Variants in BANK1 observed in about 807,000 individuals in gnomAD.
The protein encoded by BANK1 is B cell scaffold protein with ankyrin repeats 1.
Under a neutral mutation model 94.5 loss-of-function variants are expected in BANK1, and 95 were observed. That is an observed-to-expected ratio of 1.00 (90% CI 0.85 to 1.19). The LOEUF is 1.19. Ranked by LOEUF, BANK1 falls within the 50% of genes most tolerant of loss-of-function variation. The probability of loss-of-function intolerance (pLI) is 0.00; values close to 1 mark genes in which losing one functional copy is unlikely to be tolerated. For synonymous variants in BANK1, 334 were observed against 308.4 expected, an observed-to-expected ratio of 1.08 and a Z score of -0.87; for missense variants, 987 against 932.2, an observed-to-expected ratio of 1.06 and a Z score of -0.77.
At chr4:101,904,290 T>C (rs990366378) in intron 6 of BANK1, among the ~76,000 whole-genome samples, 1 of 152,242 alleles carries the variant, frequency 6.6e-6, no homozygotes, top group Non-Finnish European at 1.5e-5. Context: ...TTGATAGCTC[T>C]TAAGTCAGTT....
chr4:101,877,410 A>T (rs1476165825), intron 5 of BANK1, among the ~76,000 whole-genome samples: 2 of 152,204 alleles, frequency 1.3e-5, no homozygotes, highest in African/African-American at 4.8e-5. Context: ...GTGGTGTGTA[A>T]ACTACTCTTA....
At chr4:102,002,446 G>A (rs2148937140) in intron 7 of BANK1, among the ~76,000 whole-genome samples, 1 of 151,872 alleles carries the variant, frequency 6.6e-6, no homozygotes, top group South Asian at 2.1e-4. Context: ...ACATAGTGCA[G>A]TGCCTACTAC....
At chr4:101,849,906 A>G (rs986580766) in intron 2 of BANK1, among the ~76,000 whole-genome samples, 2 of 152,110 alleles carry the variant, frequency 1.3e-5, no homozygotes, top group African/African-American at 4.8e-5. Context: ...TTAGTTTTCT[A>G]TGTCTGTTTG....
chr4:102,061,165 A>G (rs1372892982), intron 12 of BANK1, among the ~76,000 whole-genome samples: 2 of 152,240 alleles, frequency 1.3e-5, no homozygotes, highest in East Asian at 3.8e-4. Flanking sequence ...AATAATTGAT[A>G]ATAGCTTAAT....
intron 7 of BANK1, among the ~76,000 whole-genome samples, chr4:101,973,099 A>C (rs981114115): frequency 3.3e-5 from 5 of 151,984 alleles, no homozygotes; most frequent in African/African-American, 9.7e-5. Flanking sequence ...AATATAGTTA[A>C]TAATAGAGTA....
intron 7 of BANK1, among the ~76,000 whole-genome samples, chr4:101,925,697 T>C (rs1723131688): frequency 6.6e-6 from 1 of 151,728 alleles, no homozygotes; most frequent in Non-Finnish European, 1.5e-5. Context: ...GGCTAAATCG[T>C]CTTTAAAGAC....
intron 11 of BANK1, among the ~76,000 whole-genome samples, chr4:102,054,548 C>T (rs1728165037): frequency 6.6e-6 from 1 of 151,986 alleles, no homozygotes; most frequent in South Asian, 2.1e-4. Flanking sequence ...GAAATGTGGA[C>T]AAAAGACTGT....
At chr4:101,906,837 C>A (rs752650487) in intron 6 of BANK1, among the ~76,000 whole-genome samples, 2 of 152,080 alleles carry the variant, frequency 1.3e-5, no homozygotes, top group Non-Finnish European at 2.9e-5. Context: ...GATTCGAGCC[C>A]CCACAATGGA....
At chr4:101,812,329 G>C (rs1478324381) in intron 1 of BANK1, among the ~76,000 whole-genome samples, 2 of 151,670 alleles carry the variant, frequency 1.3e-5, no homozygotes, top group Non-Finnish European at 2.9e-5. Flanking sequence ...TAACATAAAG[G>C]AATATCTTCA....
chr4:101,947,585 G>A (rs973705386), intron 7 of BANK1, among the ~76,000 whole-genome samples: 13 of 151,364 alleles, frequency 8.6e-5, no homozygotes, highest in Admixed American at 2.0e-4. Flanking sequence ...GTGCACTTTA[G>A]ATTCAGTGTT....
chr4:102,018,911 G>T (rs1034953079), intron 7 of BANK1, among the ~76,000 whole-genome samples: 2 of 149,530 alleles, frequency 1.3e-5, no homozygotes, highest in Non-Finnish European at 3.0e-5. Flanking sequence ...CTCTGCCTCC[G>T]GGCTCAAGCA....
intron 5 of BANK1, among the ~76,000 whole-genome samples, chr4:101,883,123 T>C (rs997415144): frequency 2.0e-5 from 3 of 152,198 alleles, no homozygotes; most frequent in Admixed American, 1.3e-4. Flanking sequence ...ATAAGTGACA[T>C]TTCTTTTGTG....
At chr4:101,867,972 C>T (rs1728139646) in intron 4 of BANK1, among the ~76,000 whole-genome samples, 1 of 151,442 alleles carries the variant, frequency 6.6e-6, no homozygotes, top group African/African-American at 2.4e-5. Context: ...GTAAGAACTA[C>T]TTAAGTTTAG....
Position 101,908,256 on chromosome 4 carries a change from T to A in BANK1, c.1010-9737T>A, listed in dbSNP as rs551687081. Among the ~76,000 whole-genome samples the A allele has an allele frequency of 2.6e-5, 4 of 152,136 alleles. No individual in the cohort carries two copies. The East Asian group carries it at 7.7e-4, about 29-fold the overall frequency. On this transcript the variant is annotated intron_variant, in intron 6 of 16. Coordinates refer to ENST00000322953, the MANE Select transcript of BANK1 (RefSeq NM_017935.5). ...GAGCCCTCAGAAATAAGACCACACA[T>A]CTACAGCCATCTGATCTTTGACAAA...
chr4:101,899,071 A>G (rs912285319), intron 6 of BANK1, among the ~76,000 whole-genome samples: 1 of 152,092 alleles, frequency 6.6e-6, no homozygotes, highest in Non-Finnish European at 1.5e-5. Flanking sequence ...AAATTTTGCG[A>G]AGCATGAAGT....
intron 3 of BANK1, among the ~76,000 whole-genome samples, chr4:101,856,106 C>T (rs1037693391): frequency 6.6e-6 from 1 of 152,104 alleles, no homozygotes. Context: ...GCTCACTGAC[C>T]TTTGGGTGGG....
rs72923472 is a variant in BANK1, at chr4:101,843,628, T to C, written c.470-11407T>C. ...TTTGCGTAATTTTCTTTTAAATATA[T>C]GGCTACAGCCAGGTTTGGTGGCTCA... On this transcript the variant is annotated intron_variant, in intron 2 of 16. Coordinates refer to ENST00000322953, the MANE Select transcript of BANK1 (RefSeq NM_017935.5). 8.2e-3 allele frequency among the ~76,000 whole-genome samples: 1,252 copies of C among 152,276 alleles called. 20 individuals are homozygous for C. Among genetic ancestry groups the C allele is most frequent in the African/African-American group, 0.029 (1,199 of 41,544 alleles).
chr4:101,878,298 G>A (rs964535317), intron 5 of BANK1, among the ~76,000 whole-genome samples: 2 of 152,034 alleles, frequency 1.3e-5, no homozygotes, highest in Non-Finnish European at 2.9e-5. Flanking sequence ...AAAAGAGCAG[G>A]GGTAGTTACA....
At chr4:102,063,743 G>A (rs968515385) in intron 13 of BANK1, among the ~76,000 whole-genome samples, 2 of 149,636 alleles carry the variant, frequency 1.3e-5, no homozygotes, top group African/African-American at 4.9e-5. Context: ...AACCCCCCCG[G>A]AAGGCACAGA....
Sources: allele counts gnomAD v4.1 joint callset (sites outside exome capture counted in the v4.1 genomes callset), GRCh38; gene constraint gnomAD v4.1.1; transcripts MANE v1.5; gene names NCBI Gene and HGNC (gene_info 2026-07-23, HGNC 2026-07-21).